The following BTD variants were observed in gnomAD, a reference collection of about 807,000 sequenced individuals.
The protein encoded by BTD is biotinidase, also known as biocytinase.
In BTD, 13 loss-of-function variants were observed where a neutral mutation model predicts 17.7. The ratio of observed to expected loss-of-function variants is 0.74; its 90% CI spans 0.48 to 1.17. The LOEUF (loss-of-function observed/expected upper bound fraction) is 1.17. BTD is among the 50% of genes most tolerant of loss of function. BTD has a pLI of 0.00. For synonymous variants in BTD, 240 were observed against 245.2 expected (o/e 0.98, Z 0.20); for missense variants, 674 against 650.4 (o/e 1.04, Z -0.39).
intron 3 of BTD, chr3:15,685,472 C>G (rs760164897): frequency 6.2e-7 from 1 of 1,604,502 alleles, no homozygotes; most frequent in Admixed American, 1.7e-5. Context: ...TAAAGGTAGT[C>G]AAACATATTA....
rs2065829457 is a variant in BTD, at chr3:15,653,006, G to A, written c.*7518G>A. Among the ~76,000 whole-genome samples the A allele has an allele frequency of 6.6e-6, 1 of 152,204 alleles. No individual in the cohort carries two copies. Among genetic ancestry groups the A allele is most frequent in the African/African-American group, 2.4e-5 (1 of 41,440 alleles). On this transcript the variant is annotated 3_prime_UTR_variant, in exon 4 of 4. Transcript: ENST00000643237. ...TCGGAAGTTCTAGAGGAGGTATTCT[G>A]ACAGTGGCCAGGAAAACCTCCTGCC...
chr3:15,635,555 TG>T lies in BTD; in HGVS notation c.118del (p.Ala40LeufsTer10). On this transcript the variant is annotated frameshift_variant, in exon 2 of 4. Coordinates refer to ENST00000643237, the MANE Select transcript of BTD (RefSeq NM_001370658.1). LOFTEE classifies it high-confidence loss of function. The surrounding 1 kb of genome is among the most constrained non-coding windows in gnomAD (Gnocchi z 4.1). ...GACCATCACGAGGCTGAATATTATG[TG>T]GCTGCCGTGTATGAGCATCCATCCA... ...VADHHEAEYYVAAVYEHPSIL... is the reference protein window; with the variant it reads ...VADHHEAEYYXAAVYEHPSIL... 1.9e-6 allele frequency: 3 copies of T among 1,614,180 alleles called. No individual in the cohort carries two copies. Among genetic ancestry groups the T allele is most frequent in the Non-Finnish European group, 2.5e-6 (3 of 1,180,044 alleles).
At chr3:15,621,809 AG>A (rs2064958362) in intron 1 of BTD, among the ~76,000 whole-genome samples, 1 of 152,166 alleles carries the variant, frequency 6.6e-6, no homozygotes, top group Non-Finnish European at 1.5e-5. Context: ...CATGTTGGCC[AG>A]GCTGGTCTCA....
intron 2 of BTD, among the ~76,000 whole-genome samples, chr3:15,639,350 A>G (rs2065440208): frequency 6.6e-6 from 1 of 152,160 alleles, no homozygotes; most frequent in Non-Finnish European, 1.5e-5. Context: ...CAAAAATCTG[A>G]AAAGATGACT....
intron 4 of BTD, among the ~76,000 whole-genome samples, chr3:15,719,757 G>A (rs897955016): frequency 2.0e-5 from 3 of 151,950 alleles, no homozygotes; most frequent in Non-Finnish European, 4.4e-5. Flanking sequence ...GTCTTGCTAT[G>A]TTGCCCAGGC....
chr3:15,616,365 G>A (rs9858784), intron 1 of BTD, among the ~76,000 whole-genome samples: 6,557 of 152,028 alleles, frequency 0.043, 402 homozygotes, highest in African/African-American at 0.14. Context: ...CTGTAATCCC[G>A]GCAATTTTGG....
intron 3 of BTD, chr3:15,669,096 C>T (rs2066136323): frequency 6.6e-6 from 1 of 152,266 alleles, no homozygotes; most frequent in Non-Finnish European, 1.5e-5. Context: ...AGGTTACAAA[C>T]ATGCTACTTT....
At chr3:15,690,465 C>T (rs906286497) in intron 3 of BTD, among the ~76,000 whole-genome samples, 5 of 152,200 alleles carry the variant, frequency 3.3e-5, no homozygotes, top group Non-Finnish European at 7.4e-5. Context: ...GTCATCTTTT[C>T]ATGAGTATAC....
At chr3:15,699,067 A>G (rs2070135342) in intron 3 of BTD, among the ~76,000 whole-genome samples, 1 of 152,192 alleles carries the variant, frequency 6.6e-6, no homozygotes, top group Non-Finnish European at 1.5e-5. Context: ...AACAGAACAG[A>G]GGCCTCAGAA....
exon 5 of BTD, among the ~76,000 whole-genome samples, chr3:15,722,131 T>C (rs758922019): frequency 2.6e-5 from 4 of 152,204 alleles, no homozygotes; most frequent in Non-Finnish European, 5.9e-5. Flanking sequence ...GAGAGGTCTG[T>C]CCTTTGCCCC....
At chr3:15,698,928 G>T (rs557770366) in intron 3 of BTD, among the ~76,000 whole-genome samples, 43 of 152,284 alleles carry the variant, frequency 2.8e-4, no homozygotes, top group African/African-American at 1.0e-3. Flanking sequence ...AGCCCGCATT[G>T]CCAAGACAAT....
chr3:15,661,277 A>G (rs2065920548), intron 3 of BTD, among the ~76,000 whole-genome samples: 1 of 134,932 alleles, frequency 7.4e-6, no homozygotes, highest in South Asian at 2.6e-4. Flanking sequence ...AAAAAAAAAA[A>G]AAAAAAAAAA....
At position 15,644,632 on chromosome 3, in the gene BTD, G is replaced by A. The variant is rs367609937; in HGVS notation, c.716G>A (p.Arg239Lys). Reference sequence around the variant, plus strand: ...TTTGACCCTGCCATCAGAGTCCTCAGAGACTACAAGGTGAAGCATGTTGTG... The same window carrying A: ...TTTGACCCTGCCATCAGAGTCCTCAAAGACTACAAGGTGAAGCATGTTGTG... The part of the protein sequence containing the change: ...LFFDPAIRVL[R>K]DYKVKHVVYP... Residue 239 changes from arginine to lysine, a missense_variant, in exon 4 of 4, where the codon AGA (arginine) becomes AAA (lysine). Transcript: ENST00000643237. 5.6e-6 allele frequency: 9 copies of A among 1,614,168 alleles called. No homozygotes were observed. In the South Asian group the frequency reaches 8.8e-5, roughly 16 times the overall value.
chr3:15,602,008 C>G (rs1329386141), intron 1 of BTD, 114 bp downstream of exon 1: 2 of 1,524,602 alleles, frequency 1.3e-6, no homozygotes, highest in African/African-American at 1.4e-5. Context: ...CTGCCGGGAG[C>G]TGGGAAGCCC....
chr3:15,643,431 G>A (rs2065590534), intron 3 of BTD, among the ~76,000 whole-genome samples: 1 of 152,130 alleles, frequency 6.6e-6, no homozygotes, highest in Non-Finnish European at 1.5e-5. Flanking sequence ...AGCCTGGGAG[G>A]CGGAAGTTGC....
At chr3:15,618,785 A>G (rs2064867423) in intron 1 of BTD, among the ~76,000 whole-genome samples, 1 of 152,232 alleles carries the variant, frequency 6.6e-6, no homozygotes, top group South Asian at 2.1e-4. Flanking sequence ...TCAGCCTCCC[A>G]AAGTGCTGGG....
At chr3:15,670,224 GCA>G (rs764275524) in intron 3 of BTD, 14 of 1,576,172 alleles carry the variant, frequency 8.9e-6, no homozygotes, top group South Asian at 3.5e-5. Context: ...TCCTGAAAAA[GCA>G]CAGTTTGAAG....
intron 1 of BTD, among the ~76,000 whole-genome samples, chr3:15,615,958 A>T (rs932226973): frequency 7.9e-5 from 12 of 152,200 alleles, no homozygotes; most frequent in Admixed American, 6.5e-4. Context: ...AGGTTCCTCC[A>T]TATCTTTTCA....
chr3:15,692,144 T>TA (rs908039642), intron 3 of BTD, among the ~76,000 whole-genome samples: 49,128 of 99,562 alleles, frequency 0.49, 11,529 homozygotes, highest in Middle Eastern at 0.6. Flanking sequence ...TATCTCTAAA[T>TA]AAAAAAAAAA....
Sources: gnomAD v4.1 joint callset for allele counts (sites outside exome capture counted in the v4.1 genomes callset) on GRCh38, gnomAD v4.1.1 for gene constraint, Gnocchi (gnomAD v3.1) non-coding constraint, MANE v1.5 for transcripts, NCBI Gene and HGNC (gene_info 2026-07-23, HGNC 2026-07-21) for gene names.